The following RNF11 variants were observed in gnomAD, a reference collection of about 807,000 sequenced individuals.
RNF11 encodes ring finger protein 11.
In RNF11, 4 loss-of-function variants were observed where a neutral mutation model predicts 15.8. The observed-to-expected ratio is 0.25, with a 90% confidence interval of 0.12 to 0.58. RNF11 has a LOEUF of 0.58. RNF11 is among the 20% of genes least tolerant of loss of function. RNF11 has a pLI of 0.91. For missense variants in RNF11, 139 were observed against 194.4 expected (o/e 0.71, Z 1.70); for synonymous variants, 68 against 72.3 (o/e 0.94, Z 0.30).
intron 1 of RNF11, among the ~76,000 whole-genome samples, chr1:51,248,860 C>T (rs1646864629): frequency 6.6e-6 from 1 of 152,172 alleles, no homozygotes; most frequent in Non-Finnish European, 1.5e-5. Context: ...ACAGGTTCCA[C>T]ATCCTCTGAT....
At chr1:51,242,736 G>A (rs1646835895) in intron 1 of RNF11, among the ~76,000 whole-genome samples, 1 of 152,034 alleles carries the variant, frequency 6.6e-6, no homozygotes, top group Non-Finnish European at 1.5e-5. Context: ...TTGGGATTAC[G>A]GATGTGAGTC....
intron 1 of RNF11, among the ~76,000 whole-genome samples, chr1:51,240,454 C>A (rs1230770568): frequency 6.6e-6 from 1 of 152,184 alleles, no homozygotes; most frequent in Non-Finnish European, 1.5e-5. Flanking sequence ...GTTGTTTTCC[C>A]CCCCAATACC....
intron 2 of RNF11, among the ~76,000 whole-genome samples, chr1:51,270,601 C>T (rs1646974291): frequency 6.6e-6 from 1 of 152,134 alleles, no homozygotes; most frequent in African/African-American, 2.4e-5. Context: ...AGAGCTTTAA[C>T]TTACAGCAAC....
chr1:51,264,309 TATATATATAC>T lies in RNF11; in HGVS notation c.124-5645_124-5636del, dbSNP rs1301583532. Among the ~76,000 whole-genome samples the T allele has an allele frequency of 8.8e-3, 907 of 102,490 alleles. 16 individuals carry two copies. Among genetic ancestry groups the T allele is most frequent in the East Asian group, 0.045 (174 of 3,868 alleles). The allele number at this position is 102,490 out of a possible 152,430, so 67.2% of individuals were successfully genotyped here. On this transcript the variant is annotated intron_variant, in intron 1 of 2. Transcript: ENST00000242719. ...AAAAATATATATATATATATATATA[TATATATATAC>T]ACACACACACACACACACACATTTA...
chr1:51,264,295 TATATATATATATATATATATATACACAC>T (rs1557682318), intron 1 of RNF11, among the ~76,000 whole-genome samples: 5 of 82,854 alleles, frequency 6.0e-5, no homozygotes, highest in African/African-American at 3.0e-4. Context: ...AAAATATATA[TATATATATATATATATATATATACACAC>T]ACACACACAC....
intron 1 of RNF11, among the ~76,000 whole-genome samples, chr1:51,240,416 C>A (rs1048262440): frequency 2.0e-5 from 3 of 152,138 alleles, no homozygotes; most frequent in African/African-American, 7.2e-5. Flanking sequence ...GCAACCTGCC[C>A]TAATAACCTG....
chr1:51,242,683 G>A (rs1015167492), intron 1 of RNF11, among the ~76,000 whole-genome samples: 2 of 151,868 alleles, frequency 1.3e-5, no homozygotes, highest in African/African-American at 4.8e-5. Context: ...GGCTAGTTTC[G>A]AACTCCTGGG....
At chr1:51,247,560 G>GAA (rs1646858201) in intron 1 of RNF11, among the ~76,000 whole-genome samples, 1 of 151,994 alleles carries the variant, frequency 6.6e-6, no homozygotes, top group Non-Finnish European at 1.5e-5. Context: ...TGAAGTGCTG[G>GAA]AATAACAGGC....
chr1:51,257,047 T>A (rs1646906972), intron 1 of RNF11, among the ~76,000 whole-genome samples: 2 of 152,228 alleles, frequency 1.3e-5, no homozygotes, highest in African/African-American at 4.8e-5. Context: ...TGCCAGGACT[T>A]AATGTCAGTG....
At chr1:51,267,274 A>G (rs921010719) in intron 1 of RNF11, among the ~76,000 whole-genome samples, 1 of 152,214 alleles carries the variant, frequency 6.6e-6, no homozygotes, top group African/African-American at 2.4e-5. Flanking sequence ...ATTTGTTTTC[A>G]GCTGGGGACG....
chr1:51,248,057 T>G (rs1293744471), intron 1 of RNF11, among the ~76,000 whole-genome samples: 2 of 151,780 alleles, frequency 1.3e-5, no homozygotes, highest in Non-Finnish European at 2.9e-5. Context: ...TAGCGAGGCC[T>G]TAAGGGTAAG....
intron 1 of RNF11, among the ~76,000 whole-genome samples, chr1:51,266,532 C>T (rs982536840): frequency 6.6e-6 from 1 of 151,422 alleles, no homozygotes; most frequent in African/African-American, 2.4e-5. Flanking sequence ...GGTGTGATCT[C>T]GTCTCACTGT....
At chr1:51,251,214 T>G in intron 1 of RNF11, 1 of 1,380,212 alleles carries the variant, frequency 7.2e-7, no homozygotes, top group Admixed American at 1.8e-5. Context: ...CTCTGATTCC[T>G]TAATGGGCAG....
intron 1 of RNF11, among the ~76,000 whole-genome samples, chr1:51,269,293 A>G (rs1357975990): frequency 6.6e-6 from 1 of 152,136 alleles, no homozygotes; most frequent in African/African-American, 2.4e-5. Flanking sequence ...TAGGCCAGGC[A>G]CCATGGCTCA....
chr1:51,263,761 T>G (rs1646941072), intron 1 of RNF11, among the ~76,000 whole-genome samples: 1 of 152,170 alleles, frequency 6.6e-6, no homozygotes, highest in East Asian at 1.9e-4. Context: ...GAGTGACTGT[T>G]AATGAGTACA....
intron 1 of RNF11, 32 bp from the exon 2 acceptor site, chr1:51,269,924 T>C (rs1466046823): frequency 1.3e-6 from 2 of 1,581,610 alleles, no homozygotes; most frequent in Admixed American, 3.5e-5. Flanking sequence ...TTTTAAAAAA[T>C]AATCTTTTTC....
intron 1 of RNF11, among the ~76,000 whole-genome samples, chr1:51,246,910 C>A (rs1205651054): frequency 3.4e-5 from 5 of 148,712 alleles, no homozygotes; most frequent in Non-Finnish European, 1.5e-5. Context: ...CCCAGGAGTT[C>A]GAGGCTGCAG....
At chr1:51,261,655 T>G (rs1646931101) in intron 1 of RNF11, among the ~76,000 whole-genome samples, 1 of 151,314 alleles carries the variant, frequency 6.6e-6, no homozygotes, top group Non-Finnish European at 1.5e-5. Context: ...TTCTCCTGCC[T>G]CAGCCTCCCA....
chr1:51,236,857 A>T lies in RNF11; in HGVS notation c.101A>T (p.Gln34Leu), dbSNP rs1052908265. Residue 34 changes from glutamine (Q) to leucine (L), a missense_variant, in exon 1 of 3, where the codon CAG becomes CTG. By Grantham distance (113) the Gln-to-Leu change is moderately radical (BLOSUM62 -2). Transcript: ENST00000242719. ...ASFGEGTEPDQEPPPPYQEQV... is the reference protein window; with the variant it reads ...ASFGEGTEPDLEPPPPYQEQV... ...TTTGGCGAGGGGACGGAGCCGGATC[A>T]GGAGCCGCCGCCGCCATATCAGGTA... The T allele has an allele frequency of 1.2e-6, 2 of 1,608,064 alleles. No homozygotes were observed. The highest frequency in any genetic ancestry group is 2.7e-5 in the African/African-American group (2 of 74,576).
Sources: gnomAD v4.1 joint callset for allele counts (sites outside exome capture counted in the v4.1 genomes callset) on GRCh38, gnomAD v4.1.1 for gene constraint, MANE v1.5 for transcripts, NCBI Gene and HGNC (gene_info 2026-07-23, HGNC 2026-07-21) for gene names.